The following PTPRD variants were observed in gnomAD, a reference collection of about 807,000 sequenced individuals.
PTPRD encodes the protein receptor-type tyrosine-protein phosphatase delta.
PTPRD carries 34 observed loss-of-function variants against 214.5 expected under a neutral mutation model. That is an observed-to-expected ratio of 0.16 (90% CI 0.12 to 0.21). The LOEUF (loss-of-function observed/expected upper bound fraction) is 0.21, where lower values mean the gene tolerates loss of function less well. PTPRD is among the 10% of genes least tolerant of loss of function. The probability of loss-of-function intolerance (pLI) is 1.00; values close to 1 mark genes in which losing one functional copy is unlikely to be tolerated. For synonymous variants in PTPRD, 1,128 were observed against 845.7 expected, an observed-to-expected ratio of 1.33 and a Z score of -5.79; for missense variants, 2,545 against 2,398.7, an observed-to-expected ratio of 1.06 and a Z score of -1.27.
chr9:8,491,160 C>T (rs1173950749), intron 27 of PTPRD, among the ~76,000 whole-genome samples: 2 of 152,214 alleles, frequency 1.3e-5, no homozygotes, highest in African/African-American at 2.4e-5. Context: ...CAAAAGTAAA[C>T]GTGTAGGCAT....
Position 8,945,992 on chromosome 9 carries a change from A to G in PTPRD, c.-104+72705T>C, listed in dbSNP as rs2099061570. The stretch of plus-strand genomic sequence containing the variant: ...CAGGGTTTCTCAAACTTGTTCCCCT[A>G]GGAAAGTCCTCCTAAGCCATGTTAC... On this transcript the variant is annotated intron_variant, in intron 11 of 45. Coordinates refer to ENST00000381196, the MANE Select transcript of PTPRD (RefSeq NM_002839.4). 2.0e-5 allele frequency among the ~76,000 whole-genome samples: 3 copies of G among 152,276 alleles called. No individual in the cohort carries two copies. In the South Asian group the frequency reaches 6.2e-4, roughly 32 times the overall value.
intron 3 of PTPRD, among the ~76,000 whole-genome samples, chr9:10,288,922 A>C (rs1481821405): frequency 6.6e-6 from 1 of 152,198 alleles, no homozygotes; most frequent in Non-Finnish European, 1.5e-5. Flanking sequence ...ACTTAAAAAA[A>C]CTGACTATAT....
chr9:8,465,762 C>A, intron 31 of PTPRD, 87 bp from the exon 32 acceptor site: 2 of 1,147,518 alleles, frequency 1.7e-6, no homozygotes, highest in South Asian at 1.5e-5. Flanking sequence ...TAATTCAGAA[C>A]TGGGAACAAC....
intron 14 of PTPRD, among the ~76,000 whole-genome samples, chr9:8,615,753 A>T (rs528732085): frequency 5.0e-4 from 76 of 152,188 alleles, no homozygotes; most frequent in Middle Eastern, 3.4e-3. Flanking sequence ...AGAAAAAAAA[A>T]TTTTGAGAGG....
At chr9:9,295,356 T>A (rs1197289276) in intron 9 of PTPRD, among the ~76,000 whole-genome samples, 1 of 151,804 alleles carries the variant, frequency 6.6e-6, no homozygotes, top group African/African-American at 2.4e-5. Flanking sequence ...ACTCCCTTTT[T>A]TAATACCATT....
chr9:8,877,676 A>T (rs2098406054), intron 11 of PTPRD, among the ~76,000 whole-genome samples: 1 of 152,164 alleles, frequency 6.6e-6, no homozygotes, highest in Admixed American at 6.5e-5. Flanking sequence ...TCTCCATTAA[A>T]CTTGACACAT....
intron 4 of PTPRD, among the ~76,000 whole-genome samples, chr9:10,030,042 T>A (rs1164422253): frequency 6.6e-6 from 1 of 152,130 alleles, no homozygotes; most frequent in Non-Finnish European, 1.5e-5. Flanking sequence ...TGAAAAAGCT[T>A]TCTTCTCCTG....
At chr9:8,385,306 T>G (rs10815843) in intron 37 of PTPRD, among the ~76,000 whole-genome samples, 2 of 151,968 alleles carry the variant, frequency 1.3e-5, no homozygotes, top group Admixed American at 1.3e-4. Context: ...GTGGAAGGAC[T>G]GCTTCAGGCC....
chr9:8,518,196 T>G lies in PTPRD; in HGVS notation c.1195A>C (p.Ile399Leu), dbSNP rs759737427. The G allele has an allele frequency of 2.5e-6, 4 of 1,614,174 alleles. No individual in the cohort carries two copies. Among genetic ancestry groups the G allele is most frequent in the Non-Finnish European group, 3.4e-6 (4 of 1,180,018 alleles). ...GGTTCGCTGGGAGGCCCCCGCCCAA[T>G]GTTATTGACAGCAACAACCCTGAAT... ...YEFRVVAVNN[I>L]GRGPPSEPVL... is the part of the protein sequence containing the mutation. The change falls in exon 21 of 46, where the codon ATT becomes CTT. Residue 399 changes from isoleucine to leucine, a missense_variant. Transcript: ENST00000381196.
intron 11 of PTPRD, among the ~76,000 whole-genome samples, chr9:8,907,936 G>A (rs1336163269): frequency 6.6e-6 from 1 of 152,172 alleles, no homozygotes; most frequent in East Asian, 1.9e-4. Context: ...ACTATCAACA[G>A]ATCCAGGAAG....
At chr9:9,596,535 C>T (rs1359140044) in intron 7 of PTPRD, among the ~76,000 whole-genome samples, 2 of 151,846 alleles carry the variant, frequency 1.3e-5, no homozygotes, top group African/African-American at 4.8e-5. Context: ...TCTGATATAT[C>T]ATTTGTGATT....
chr9:9,812,718 A>T (rs565459333), intron 5 of PTPRD, among the ~76,000 whole-genome samples: 1 of 152,282 alleles, frequency 6.6e-6, no homozygotes, highest in African/African-American at 2.4e-5. Context: ...TCAATAATGG[A>T]TATATCATCC....
intron 5 of PTPRD, among the ~76,000 whole-genome samples, chr9:9,936,566 C>A (rs1354880932): frequency 7.2e-6 from 1 of 138,472 alleles, no homozygotes; most frequent in Non-Finnish European, 1.5e-5. Context: ...ATTAAAAAGT[C>A]AGTAAACAAC....
intron 3 of PTPRD, among the ~76,000 whole-genome samples, chr9:10,082,916 T>A (rs966627169): frequency 2.0e-5 from 3 of 151,794 alleles, no homozygotes; most frequent in Non-Finnish European, 4.4e-5. Context: ...TTTGTTTACA[T>A]TGATGATTAT....
intron 34 of PTPRD, among the ~76,000 whole-genome samples, chr9:8,447,076 C>T (rs190636049): frequency 2.6e-4 from 39 of 152,326 alleles, no homozygotes; most frequent in Non-Finnish European, 4.7e-4. Context: ...GGCAAATAAA[C>T]AATTTCAGCA....
chr9:10,436,381 C>T (rs558591685), intron 2 of PTPRD, among the ~76,000 whole-genome samples: 108 of 151,706 alleles, frequency 7.1e-4, no homozygotes, highest in African/African-American at 2.3e-3. Context: ...ACTATAAATG[C>T]CTTTCACTCA....
chr9:8,875,436 T>A (rs1011646507), intron 11 of PTPRD, among the ~76,000 whole-genome samples: 4 of 152,166 alleles, frequency 2.6e-5, no homozygotes, highest in African/African-American at 9.7e-5. Flanking sequence ...GAAATTCTAG[T>A]ATAATCACAA....
chr9:9,454,239 G>T (rs1007011830), intron 8 of PTPRD, among the ~76,000 whole-genome samples: 5 of 151,634 alleles, frequency 3.3e-5, no homozygotes, highest in African/African-American at 1.2e-4. Context: ...AACAAAAAAA[G>T]CCCTGATTTG....
intron 14 of PTPRD, among the ~76,000 whole-genome samples, chr9:8,575,459 C>T (rs1449051631): frequency 6.6e-6 from 1 of 152,114 alleles, no homozygotes; most frequent in Non-Finnish European, 1.5e-5. Context: ...CTGGTGAACT[C>T]TTTGCCTGTT....
Sources: allele counts gnomAD v4.1 joint callset (sites outside exome capture counted in the v4.1 genomes callset), GRCh38; gene constraint gnomAD v4.1.1; transcripts MANE v1.5; gene names NCBI Gene and HGNC (gene_info 2026-07-23, HGNC 2026-07-21).